The following CREBBP variants were observed in gnomAD, a reference collection of about 807,000 sequenced individuals.
The protein encoded by CREBBP is CREB-binding protein.
Under a neutral mutation model 265.0 loss-of-function variants are expected in CREBBP, and 19 were observed. The ratio of observed to expected loss-of-function variants is 0.07; its 90% confidence interval spans 0.05 to 0.11. The LOEUF is 0.11. Among genes scored for constraint, CREBBP ranks in the 10% least tolerant of loss-of-function variants. CREBBP has a pLI of 1.00. For missense variants in CREBBP, 2,525 were observed against 3,219.0 expected (o/e 0.78, Z 5.22); for synonymous variants, 1,457 against 1,223.7 (o/e 1.19, Z -3.98).
At position 3,731,955 on chromosome 16, in the gene CREBBP, G is replaced by T; in HGVS notation, c.4729-18C>A. On this transcript the variant is annotated intron_variant, in intron 28 of 30. Coordinates refer to ENST00000262367, the MANE Select transcript of CREBBP (RefSeq NM_004380.3). The surrounding 1 kb of genome is among the most constrained non-coding windows in gnomAD (Gnocchi z 7.7). ...TGACTGCCCTGCAACAACACGCAAG[G>T]CTGTGAGACCAGGCAAGTGCCCCTC... 6.2e-7 allele frequency: 1 copy of T among 1,614,150 alleles called. No individual in the cohort carries two copies. The highest frequency in any genetic ancestry group is 8.5e-7 in the Non-Finnish European group (1 of 1,180,040).
In CREBBP at chr16:3,729,156, C is replaced by G. The variant is rs867327595; in HGVS notation, c.5891G>C (p.Arg1964Pro). The G allele has an allele frequency of 1.3e-6, 2 of 1,548,684 alleles. No individual in the cohort carries two copies. The highest frequency in any genetic ancestry group is 1.7e-6 in the Non-Finnish European group (2 of 1,154,730). ...AAVEAARQIE[R>P]EAQQQQHLYR... Reference sequence around the variant, plus strand: ...CAGGTGCTGCTGCTGCTGGGCCTCACGCTCGATCTGCCGAGCCGCTTCCAC... The same window carrying G: ...CAGGTGCTGCTGCTGCTGGGCCTCAGGCTCGATCTGCCGAGCCGCTTCCAC... The change falls in exon 31 of 31, where the codon CGT becomes CCT. Residue 1964 changes from arginine (R) to proline (P), a missense_variant. Around this residue, in one of 19 missense-constraint regions of CREBBP, gnomAD observed 275 missense variants for 276.5 expected, o/e 0.99. Transcript: ENST00000262367.
intron 1 of CREBBP, among the ~76,000 whole-genome samples, chr16:3,878,120 A>G (rs1026511114): frequency 4.6e-5 from 7 of 152,218 alleles, no homozygotes; most frequent in Non-Finnish European, 5.9e-5. Context: ...AAAATCTACA[A>G]CAAATTCATT....
At chr16:3,751,220 G>A (rs1000278506) in intron 20 of CREBBP, among the ~76,000 whole-genome samples, 7 of 152,314 alleles carry the variant, frequency 4.6e-5, no homozygotes, top group Middle Eastern at 3.4e-3. Flanking sequence ...CAGAGGTGGC[G>A]CTGTGGTTCA....
intron 1 of CREBBP, among the ~76,000 whole-genome samples, chr16:3,863,157 GA>G (rs535821869): frequency 5.1e-4 from 78 of 152,266 alleles, no homozygotes; most frequent in African/African-American, 1.7e-3. Flanking sequence ...GTGCTACCTG[GA>G]AAAGGTAAAA....
chr16:3,779,029 T>C (rs1201556794), intron 8 of CREBBP, among the ~76,000 whole-genome samples: 2 of 151,810 alleles, frequency 1.3e-5, no homozygotes, highest in Non-Finnish European at 2.9e-5. Context: ...TAGCTGGGCA[T>C]GGTGGTGGAT....
intron 8 of CREBBP, 60 bp from the exon 9 acceptor site, chr16:3,778,877 G>T: frequency 6.7e-7 from 1 of 1,500,152 alleles, no homozygotes. Context: ...TTAAAGACAT[G>T]GGGTTTCGTC....
At chr16:3,816,662 C>T (rs2054042066) in intron 2 of CREBBP, among the ~76,000 whole-genome samples, 1 of 152,072 alleles carries the variant, frequency 6.6e-6, no homozygotes, top group Non-Finnish European at 1.5e-5. Flanking sequence ...GACATGGGTA[C>T]CACGGAAAGT....
rs2151309150 is a variant in CREBBP, at chr16:3,729,382, G to C, written c.5665C>G (p.Pro1889Ala). The C allele has an allele frequency of 6.2e-7, 1 of 1,610,518 alleles. No homozygotes were observed. Among genetic ancestry groups the C allele is most frequent in the East Asian group, 2.2e-5 (1 of 44,872 alleles). Residue 1889 changes from proline to alanine, a missense_variant, in exon 31 of 31, where the codon CCG becomes GCG. By Grantham distance (27) the Pro-to-Ala change is conservative (BLOSUM62 -1). Transcript: ENST00000262367. The part of the protein sequence containing the change: ...QQSLPSPTSA[P>A]PGTPTQQPST... ...GGCTGCTGTGTGGGGGTCCCGGGCG[G>C]TGCTGAGGTAGGAGAAGGCAGACTC...
chr16:3,738,394 G>T (rs2052123073), intron 26 of CREBBP, among the ~76,000 whole-genome samples, 165 bp downstream of exon 26: 2 of 149,912 alleles, frequency 1.3e-5, no homozygotes, highest in South Asian at 4.2e-4. Context: ...AGACCTGTGA[G>T]GCTCGGGGAG....
rs751071525 is a variant in CREBBP at position 3,731,899 on chromosome 16, GTTC to G, written c.4764_4766del (p.Lys1588del). On this transcript the variant is annotated inframe_deletion, in exon 29 of 31. Transcript: ENST00000262367. The surrounding 1 kb of genome is among the most constrained non-coding windows in gnomAD (Gnocchi z 7.7). ...TTTTGTTCTTGTTGGTTTTCTTGTTGTTCTTCTTCTTGGCATTCTTGCTGTCGC... is the reference window on the plus strand; with the variant it reads ...TTTTGTTCTTGTTGGTTTTCTTGTTGTTCTTCTTGGCATTCTTGCTGTCGC... The G allele has an allele frequency of 2.5e-6, 4 of 1,614,226 alleles. No homozygotes were observed. Among genetic ancestry groups the G allele is most frequent in the South Asian group, 1.1e-5 (1 of 91,088 alleles).
chr16:3,758,173 G>C, intron 17 of CREBBP, 125 bp from the exon 18 acceptor site: 1 of 973,814 alleles, frequency 1.0e-6, no homozygotes. Flanking sequence ...ATTCCCAACA[G>C]TAAGAAATAG....
At chr16:3,879,487 C>T (rs74003442) in intron 1 of CREBBP, among the ~76,000 whole-genome samples, 4,247 of 152,292 alleles carry the variant, frequency 0.028, 196 homozygotes, top group African/African-American at 0.097. Context: ...TCTGGACGGC[C>T]ACGCGTGTGG....
At chr16:3,846,548 T>C (rs1026827149) in intron 2 of CREBBP, among the ~76,000 whole-genome samples, 2 of 152,212 alleles carry the variant, frequency 1.3e-5, no homozygotes, top group African/African-American at 2.4e-5. Flanking sequence ...ATACTGGGAA[T>C]AACCTAAATG....
chr16:3,801,564 G>T (rs1434318965), intron 3 of CREBBP, among the ~76,000 whole-genome samples: 1 of 152,112 alleles, frequency 6.6e-6, no homozygotes, highest in African/African-American at 2.4e-5. Context: ...CAGCTACTCG[G>T]GAGGCTGAGG....
chr16:3,820,254 T>C (rs1261741296), intron 2 of CREBBP, among the ~76,000 whole-genome samples: 1 of 152,244 alleles, frequency 6.6e-6, no homozygotes, highest in Non-Finnish European at 1.5e-5. Context: ...CTGCATTCAG[T>C]TGTCTGCTAT....
At chr16:3,830,902 C>T (rs1406754464) in intron 2 of CREBBP, among the ~76,000 whole-genome samples, 3 of 152,226 alleles carry the variant, frequency 2.0e-5, no homozygotes, top group Non-Finnish European at 4.4e-5. Context: ...GTATCTCAGC[C>T]CCCTCAAGCA....
intron 1 of CREBBP, among the ~76,000 whole-genome samples, chr16:3,874,714 A>G (rs1032868313): frequency 6.6e-6 from 1 of 152,188 alleles, no homozygotes; most frequent in Non-Finnish European, 1.5e-5. Flanking sequence ...CAATCAGGAC[A>G]CCAAGGCTCT....
chr16:3,807,785 G>T (rs569673112), intron 3 of CREBBP, among the ~76,000 whole-genome samples: 1 of 152,132 alleles, frequency 6.6e-6, no homozygotes, highest in Non-Finnish European at 1.5e-5. Flanking sequence ...AAGATGTTGG[G>T]GAGACCATGT....
At chr16:3,736,604 C>T (rs2151328884) in intron 27 of CREBBP, 46 bp downstream of exon 27, 1 of 1,612,614 alleles carries the variant, frequency 6.2e-7, no homozygotes, top group Non-Finnish European at 8.5e-7. Context: ...AAATATCCTC[C>T]CCTCAGTTGT....
Sources: allele counts gnomAD v4.1 joint callset (sites outside exome capture counted in the v4.1 genomes callset), GRCh38; gene constraint gnomAD v4.1.1; regional missense constraint gnomAD v4.1.1; non-coding constraint Gnocchi (gnomAD v3.1); transcripts MANE v1.5; gene names NCBI Gene and HGNC (gene_info 2026-07-23, HGNC 2026-07-21).